The following KDM6A variants were observed in gnomAD, a reference collection of about 807,000 sequenced individuals.
The protein encoded by KDM6A is lysine demethylase 6A, also known as lysine-specific demethylase 6A.
Under a neutral mutation model 117.6 loss-of-function variants are expected in KDM6A, and 11 were observed. The ratio of observed to expected loss-of-function variants is 0.09; its 90% CI spans 0.06 to 0.15. The LOEUF (loss-of-function observed/expected upper bound fraction) is 0.15. Ranked by LOEUF, KDM6A falls within the 10% of genes least tolerant of loss-of-function variation. The probability of loss-of-function intolerance (pLI) is 1.00; values close to 1 mark genes in which losing one functional copy is unlikely to be tolerated. For missense variants in KDM6A, 799 were observed against 1,077.3 expected (o/e 0.74, Z 3.62); for synonymous variants, 384 against 396.1 (o/e 0.97, Z 0.36).
At chrX:44,932,992 A>T (rs1340368522) in intron 2 of KDM6A, among the ~76,000 whole-genome samples, 3 of 102,437 alleles carry the variant, frequency 2.9e-5, no homozygotes, top group Non-Finnish European at 5.9e-5. Context: ...GGTTCAAGGG[A>T]TTCTCCTGTC....
rs5952662 is a variant in KDM6A, at chrX:44,970,796, A to G, written c.335-3870A>G. ...TTCATAGGTGGATTTTTCTCCAGGCATGGTTTGAAGTCTAGAAGGATCCAG... is the reference window on the plus strand; with the variant it reads ...TTCATAGGTGGATTTTTCTCCAGGCGTGGTTTGAAGTCTAGAAGGATCCAG... On this transcript the variant is annotated intron_variant, in intron 3 of 29. Coordinates refer to ENST00000611820, the MANE Select transcript of KDM6A (RefSeq NM_001291415.2). 3.7e-4 allele frequency among the ~76,000 whole-genome samples: 42 copies of G among 112,325 alleles called. No homozygotes were observed. In the Middle Eastern group the frequency reaches 0.018, roughly 49 times the overall value.
chrX:45,004,938 C>T lies in KDM6A; in HGVS notation c.385-6023C>T, dbSNP rs1415878524. ...CTAAGAATTGGGCAATTTGGTCTGC[C>T]ACTCCATAAGGGTTATCTAGTAGTG... On this transcript the variant is annotated intron_variant, in intron 4 of 29. Coordinates refer to ENST00000611820, the MANE Select transcript of KDM6A (RefSeq NM_001291415.2). Among the ~76,000 whole-genome samples the T allele has an allele frequency of 5.4e-5, 6 of 110,410 alleles. No homozygotes were observed. In the South Asian group the frequency reaches 2.3e-3, roughly 43 times the overall value.
chrX:45,001,863 T>C (rs1039269336), intron 4 of KDM6A, among the ~76,000 whole-genome samples: 8 of 111,002 alleles, frequency 7.2e-5, no homozygotes, highest in Non-Finnish European at 1.3e-4. Context: ...CAGCACAAGG[T>C]AGGGTCCTTC....
intron 2 of KDM6A, among the ~76,000 whole-genome samples, chrX:44,889,816 A>G (rs921536056): frequency 3.6e-5 from 4 of 112,388 alleles, no homozygotes; most frequent in African/African-American, 1.3e-4. Flanking sequence ...ATTTCTGTAA[A>G]TGGCAACACT....
At chrX:45,060,902 C>T in intron 14 of KDM6A, 138 bp downstream of exon 14, 1 of 340,996 alleles carries the variant, frequency 2.9e-6, no homozygotes. Context: ...GTTTTTCCAT[C>T]CCAAACCCTT....
At chrX:44,922,560 C>G (rs1358330516) in intron 2 of KDM6A, among the ~76,000 whole-genome samples, 2 of 111,716 alleles carry the variant, frequency 1.8e-5, no homozygotes, top group Admixed American at 1.9e-4. Context: ...CCTCCGCATC[C>G]CGCGTTCAAG....
chrX:45,040,402 TC>T (rs2043042093), intron 8 of KDM6A, among the ~76,000 whole-genome samples: 1 of 62,472 alleles, frequency 1.6e-5, no homozygotes, highest in African/African-American at 6.4e-5. Context: ...GGGGGGCTGA[TC>T]CCCCCACCTC....
At chrX:45,060,345 T>A (rs991771017) in intron 13 of KDM6A, among the ~76,000 whole-genome samples, 189 bp downstream of exon 13, 1 of 112,338 alleles carries the variant, frequency 8.9e-6, no homozygotes, top group Non-Finnish European at 1.9e-5. Context: ...GGGTACCAAC[T>A]TAGAACCTTT....
chrX:45,047,471 TTC>T, intron 8 of KDM6A, among the ~76,000 whole-genome samples: 1 of 107,005 alleles, frequency 9.3e-6, no homozygotes, highest in Non-Finnish European at 1.9e-5. Flanking sequence ...ATGCATTGAT[TTC>T]TTTTTTTTTT....
intron 27 of KDM6A, among the ~76,000 whole-genome samples, chrX:45,096,969 C>T (rs2046135031): frequency 8.9e-6 from 1 of 112,038 alleles, no homozygotes; most frequent in South Asian, 3.7e-4. Flanking sequence ...CCTAAATGCT[C>T]ATCAGTGGTA....
At chrX:44,891,584 A>ACT (rs2033370514) in intron 2 of KDM6A, among the ~76,000 whole-genome samples, 2 of 112,140 alleles carry the variant, frequency 1.8e-5, no homozygotes, top group Non-Finnish European at 3.7e-5. Context: ...CTGTAAAGAA[A>ACT]TAGCACTTGA....
intron 25 of KDM6A, among the ~76,000 whole-genome samples, chrX:45,087,362 A>G (rs1239651668): frequency 1.8e-5 from 2 of 113,138 alleles, no homozygotes; most frequent in African/African-American, 3.2e-5. Flanking sequence ...TAAGAAGTGC[A>G]TCGTAGTTGA....
chrX:44,963,156 A>G (rs927479793), intron 3 of KDM6A, among the ~76,000 whole-genome samples: 2 of 111,293 alleles, frequency 1.8e-5, no homozygotes, highest in Non-Finnish European at 3.8e-5. Context: ...TCAGGAGTAG[A>G]TTCTATTTCA....
intron 2 of KDM6A, among the ~76,000 whole-genome samples, chrX:44,959,317 TATA>T (rs897089059): frequency 1.8e-5 from 2 of 109,743 alleles, no homozygotes; most frequent in African/African-American, 6.6e-5. Context: ...CAGCATTATG[TATA>T]ATATTAATTT....
chrX:45,022,369 T>TA (rs1261230225), intron 6 of KDM6A, among the ~76,000 whole-genome samples: 11 of 111,880 alleles, frequency 9.8e-5, no homozygotes, highest in African/African-American at 3.6e-4. Flanking sequence ...ATGGTGATCT[T>TA]AGCAAAATTG....
intron 6 of KDM6A, among the ~76,000 whole-genome samples, chrX:45,025,703 A>G (rs1241136301): frequency 8.9e-6 from 1 of 112,128 alleles, no homozygotes; most frequent in African/African-American, 3.2e-5. Context: ...CTGTGCATCT[A>G]TTTAGAGGAA....
intron 4 of KDM6A, among the ~76,000 whole-genome samples, chrX:44,986,018 G>A (rs1183047421): frequency 9.0e-6 from 1 of 111,477 alleles, no homozygotes; most frequent in Non-Finnish European, 1.9e-5. Context: ...GGTAGAATTC[G>A]GCTGTGAATC....
intron 2 of KDM6A, among the ~76,000 whole-genome samples, chrX:44,909,866 CTG>C (rs200631684): frequency 0.04 from 4,420 of 111,765 alleles, 79 homozygotes; most frequent in Middle Eastern, 0.079. Context: ...AATTAGGTGA[CTG>C]TGTGAAAAGA....
intron 2 of KDM6A, among the ~76,000 whole-genome samples, chrX:44,886,140 C>T (rs1370331407): frequency 1.9e-5 from 2 of 107,680 alleles, no homozygotes; most frequent in Admixed American, 1.0e-4. Flanking sequence ...TCACTGCAGC[C>T]TTCATCTCCC....
Sources: allele counts gnomAD v4.1 joint callset (sites outside exome capture counted in the v4.1 genomes callset), GRCh38; gene constraint gnomAD v4.1.1; transcripts MANE v1.5; gene names NCBI Gene and HGNC (gene_info 2026-07-23, HGNC 2026-07-21).